RAD51B: variants seen among roughly 807,000 people sequenced by gnomAD.
RAD51B encodes the protein RAD51 paralog B.
A neutral mutation model predicts 42.2 loss-of-function variants in RAD51B; 38 were observed. That is an observed-to-expected ratio of 0.90 (90% CI 0.70 to 1.18). RAD51B has a LOEUF of 1.18. RAD51B is among the 50% of genes most tolerant of loss of function. RAD51B has a pLI of 0.00. For missense variants in RAD51B, 373 were observed against 400.7 expected, an observed-to-expected ratio of 0.93 and a Z score of 0.59; for synonymous variants, 154 against 145.2, an observed-to-expected ratio of 1.06 and a Z score of -0.43.
At chr14:68,301,508 A>G (rs1439190643) in intron 8 of RAD51B, among the ~76,000 whole-genome samples, 1 of 151,674 alleles carries the variant, frequency 6.6e-6, no homozygotes, top group Non-Finnish European at 1.5e-5. Context: ...TTGCCCTTTG[A>G]CTGGATACTA....
chr14:68,613,952 T>G (rs1161098721), downstream of RAD51B, among the ~76,000 whole-genome samples: 1 of 152,210 alleles, frequency 6.6e-6, no homozygotes, highest in Non-Finnish European at 1.5e-5. Flanking sequence ...TAAATCTAAA[T>G]GCGTAAAATC....
chr14:68,010,450 A>T (rs548063793), intron 7 of RAD51B, among the ~76,000 whole-genome samples: 1 of 151,950 alleles, frequency 6.6e-6, no homozygotes, highest in Admixed American at 6.6e-5. Context: ...AAAAACTGAT[A>T]GTTGTTTGGG....
chr14:68,336,410 A>G (rs1391514610), intron 8 of RAD51B, among the ~76,000 whole-genome samples: 4 of 152,182 alleles, frequency 2.6e-5, no homozygotes, highest in African/African-American at 9.7e-5. Flanking sequence ...CCTTTTCATT[A>G]TATTTCACTC....
At chr14:68,478,475 G>A (rs1049243372), downstream of RAD51B, among the ~76,000 whole-genome samples, 5 of 152,216 alleles carry the variant, frequency 3.3e-5, no homozygotes, top group Admixed American at 6.5e-5. Context: ...TTGGTGACCC[G>A]TAGGATAATT....
chr14:68,167,941 A>G (rs2078786680), intron 7 of RAD51B, among the ~76,000 whole-genome samples: 1 of 152,196 alleles, frequency 6.6e-6, no homozygotes, highest in Non-Finnish European at 1.5e-5. Context: ...CATATACAAT[A>G]TAATTTGCAC....
chr14:68,324,110 A>G (rs950801233), intron 8 of RAD51B, among the ~76,000 whole-genome samples: 4 of 152,220 alleles, frequency 2.6e-5, no homozygotes, highest in Non-Finnish European at 5.9e-5. Context: ...TGTACATGCT[A>G]TAATTTATTT....
chr14:68,081,328 C>T (rs2140490238), intron 7 of RAD51B, among the ~76,000 whole-genome samples: 1 of 152,272 alleles, frequency 6.6e-6, no homozygotes, highest in South Asian at 2.1e-4. Context: ...GAGCCTCCTC[C>T]TCGCATGTGC....
chr14:67,841,686 AT>A (rs35870094), intron 4 of RAD51B, among the ~76,000 whole-genome samples: 59,914 of 151,982 alleles, frequency 0.39, 12,999 homozygotes, highest in African/African-American at 0.57. Context: ...TCCTTTCCCC[AT>A]TTTTTTATTT....
At chr14:67,854,781 A>G (rs1392512905) in intron 4 of RAD51B, among the ~76,000 whole-genome samples, 1 of 151,936 alleles carries the variant, frequency 6.6e-6, no homozygotes, top group African/African-American at 2.4e-5. Flanking sequence ...TGAGTAACAT[A>G]GCAAGACCCT....
intron 10 of RAD51B, among the ~76,000 whole-genome samples, chr14:68,573,379 T>G (rs1455530284): frequency 1.3e-5 from 2 of 152,214 alleles, no homozygotes; most frequent in Non-Finnish European, 2.9e-5. Context: ...TCGGTGTCCC[T>G]GTACTTGCTA....
At chr14:68,537,039 G>A (rs924210403) in intron 10 of RAD51B, among the ~76,000 whole-genome samples, 1 of 139,706 alleles carries the variant, frequency 7.2e-6, no homozygotes, top group African/African-American at 2.6e-5. Context: ...CATGCAGTGA[G>A]CCATGACTGC....
chr14:68,526,199 T>C (rs1389271662), intron 10 of RAD51B, among the ~76,000 whole-genome samples: 1 of 152,246 alleles, frequency 6.6e-6, no homozygotes, highest in South Asian at 2.1e-4. Flanking sequence ...GTTGTTATTA[T>C]TAAATGGGTC....
intron 7 of RAD51B, among the ~76,000 whole-genome samples, chr14:68,101,470 A>G (rs2077288208): frequency 6.6e-6 from 1 of 152,214 alleles, no homozygotes; most frequent in Non-Finnish European, 1.5e-5. Flanking sequence ...GGGTAAATAC[A>G]CCCATTCCAG....
chr14:67,990,545 G>A (rs963446155), intron 7 of RAD51B, among the ~76,000 whole-genome samples: 2 of 152,160 alleles, frequency 1.3e-5, no homozygotes, highest in South Asian at 4.1e-4. Flanking sequence ...TATCACCTAA[G>A]AACTAAACAG....
chr14:68,012,549 T>C (rs1203234190), intron 7 of RAD51B, among the ~76,000 whole-genome samples: 1 of 152,112 alleles, frequency 6.6e-6, no homozygotes, highest in African/African-American at 2.4e-5. Context: ...TTAGTAGTAA[T>C]AGTTTACTAC....
At chr14:68,153,608 A>G (rs577189997) in intron 7 of RAD51B, among the ~76,000 whole-genome samples, 13 of 152,146 alleles carry the variant, frequency 8.5e-5, no homozygotes. Context: ...AGCTTTTTTC[A>G]TATGCTCGTT....
chr14:68,303,129 T>C (rs2081780776), intron 8 of RAD51B, among the ~76,000 whole-genome samples: 1 of 152,188 alleles, frequency 6.6e-6, no homozygotes, highest in Admixed American at 6.5e-5. Flanking sequence ...CACTGTGGAA[T>C]ACCATGCAGC....
chr14:68,232,158 A>G (rs1428274340), intron 7 of RAD51B, among the ~76,000 whole-genome samples: 1 of 152,194 alleles, frequency 6.6e-6, no homozygotes, highest in African/African-American at 2.4e-5. Flanking sequence ...AACAAAAGAC[A>G]ACAACAGTGT....
At chr14:67,858,030 T>A (rs146486141) in intron 4 of RAD51B, 1 of 152,500 alleles carries the variant, frequency 6.6e-6, no homozygotes, top group East Asian at 1.9e-4. Context: ...AGGAGCAAAC[T>A]CCATGAAGGG....
Sources: gnomAD v4.1 joint callset for allele counts (sites outside exome capture counted in the v4.1 genomes callset) on GRCh38, gnomAD v4.1.1 for gene constraint, MANE v1.5 for transcripts, NCBI Gene and HGNC (gene_info 2026-07-23, HGNC 2026-07-21) for gene names.